KIAA1549: variants seen among roughly 807,000 people sequenced by gnomAD.
KIAA1549 encodes UPF0606 protein KIAA1549.
KIAA1549 carries 70 observed loss-of-function variants against 156.4 expected under a neutral mutation model. The ratio of observed to expected loss-of-function variants is 0.45; its 90% confidence interval spans 0.37 to 0.55. The LOEUF (loss-of-function observed/expected upper bound fraction) is 0.55. Ranked by LOEUF, KIAA1549 falls within the 20% of genes least tolerant of loss-of-function variation. The probability of loss-of-function intolerance (pLI) is 0.00; values close to 1 mark genes in which losing one functional copy is unlikely to be tolerated. For synonymous variants in KIAA1549, 1,103 were observed against 1,066.4 expected (o/e 1.03, Z -0.67); for missense variants, 2,428 against 2,540.9 (o/e 0.96, Z 0.96).
intron 18 of KIAA1549, among the ~76,000 whole-genome samples, chr7:138,843,262 A>T (rs1199975120): frequency 6.6e-6 from 1 of 152,216 alleles, no homozygotes; most frequent in Non-Finnish European, 1.5e-5. Flanking sequence ...TTATAAAAAT[A>T]ATTTCATGAT....
Position 138,918,089 on chromosome 7 carries a change from T to A in KIAA1549, c.1537A>T (p.Met513Leu). The A allele has an allele frequency of 1.1e-5, 17 of 1,613,838 alleles. No individual in the cohort carries two copies. The highest frequency in any genetic ancestry group is 1.4e-5 in the Non-Finnish European group (16 of 1,179,856). ...TSVGISAEVD[M>L]SSVTTTQVPP... ...ACCTGTGTGGTTGTAACACTACTCA[T>A]ATCCACCTCGGCAGAAATGCCAACA... The change falls in exon 2 of 20, where the codon ATG becomes TTG. Residue 513 changes from methionine to leucine, a missense_variant. Physicochemically the swap from Met to Leu is conservative, Grantham distance 15. Transcript: ENST00000422774. This position sits in a 1 kb window ranked among gnomAD's most constrained non-coding sequence, Gnocchi z 4.2.
At chr7:138,909,588 ACT>A (rs1354839066) in intron 4 of KIAA1549, among the ~76,000 whole-genome samples, 2 of 152,156 alleles carry the variant, frequency 1.3e-5, no homozygotes, top group Non-Finnish European at 2.9e-5. Context: ...TAGACTTAGT[ACT>A]CTCTCTACTT....
chr7:138,942,310 A>G (rs2130525160), intron 1 of KIAA1549, among the ~76,000 whole-genome samples: 1 of 152,168 alleles, frequency 6.6e-6, no homozygotes, highest in South Asian at 2.1e-4. Flanking sequence ...CCACTTCCCA[A>G]TTTGAAAACT....
chr7:138,869,443 C>T, intron 14 of KIAA1549, 95 bp downstream of exon 14: 2 of 946,364 alleles, frequency 2.1e-6, no homozygotes, highest in Non-Finnish European at 3.2e-6. Context: ...CTGTCACAGG[C>T]CCTGCAGTAG....
intron 10 of KIAA1549, among the ~76,000 whole-genome samples, chr7:138,881,800 A>G (rs1335365874): frequency 6.6e-6 from 1 of 152,238 alleles, no homozygotes; most frequent in Non-Finnish European, 1.5e-5. Context: ...CACGGATTAA[A>G]TAGCTAGACC....
chr7:138,836,861 T>C lies in KIAA1549; in HGVS notation c.*1045A>G. On this transcript the variant is annotated 3_prime_UTR_variant, in exon 20 of 20. Coordinates refer to ENST00000422774, the MANE Select transcript of KIAA1549 (RefSeq NM_001164665.2). ...ATTTCCAGGCTCTGAACACAGGGAATGTGACTGGTAGGGATGTATGTATAA... is the reference window on the plus strand; with the variant it reads ...ATTTCCAGGCTCTGAACACAGGGAACGTGACTGGTAGGGATGTATGTATAA... The C allele has an allele frequency of 4.4e-6, 1 of 226,036 alleles. No individual in the cohort carries two copies. The highest frequency in any genetic ancestry group is 8.8e-6 in the Non-Finnish European group (1 of 113,610). The allele number at this position is 226,036 out of a possible 1,614,324, so 14.0% of individuals were successfully genotyped here.
In KIAA1549 at chr7:138,919,447, A is replaced by G. The variant is rs772492853; in HGVS notation, c.188-9T>C. 9 of 1,610,274 alleles carry G rather than the reference A, an allele frequency of 5.6e-6. No individual in the cohort carries two copies. The South Asian group carries it at 8.8e-5, about 16-fold the overall frequency. On this transcript the variant is annotated splice_polypyrimidine_tract_variant and intron_variant, in intron 1 of 19. Transcript: ENST00000422774. ...TTCCGGAGAGAGCTCATCTATCAAGAAAATCAGAGCTGGGTTAGTGCAATG... is the reference window on the plus strand; with the variant it reads ...TTCCGGAGAGAGCTCATCTATCAAGGAAATCAGAGCTGGGTTAGTGCAATG...
chr7:138,943,806 A>G (rs573808342), intron 1 of KIAA1549, among the ~76,000 whole-genome samples: 24 of 152,054 alleles, frequency 1.6e-4, no homozygotes, highest in African/African-American at 4.1e-4. Flanking sequence ...CTGAGATCGC[A>G]CCACTGCACT....
intron 1 of KIAA1549, among the ~76,000 whole-genome samples, chr7:138,922,015 G>T (rs1172757745): frequency 3.3e-5 from 5 of 152,200 alleles, no homozygotes; most frequent in Admixed American, 1.3e-4. Flanking sequence ...GCAGCTAGGG[G>T]ACAGCCCTGA....
chr7:138,891,982 G>C (rs138264053), intron 10 of KIAA1549, among the ~76,000 whole-genome samples: 2,080 of 152,308 alleles, frequency 0.014, 30 homozygotes, highest in Non-Finnish European at 0.019. Flanking sequence ...GGGTTCCTGT[G>C]CCAGCAAAAC....
intron 1 of KIAA1549, among the ~76,000 whole-genome samples, chr7:138,980,701 A>G (rs1428774048): frequency 2.0e-5 from 3 of 152,204 alleles, no homozygotes; most frequent in South Asian, 2.1e-4. Context: ...CCCCGACAAT[A>G]AAGTATCTCA....
intron 1 of KIAA1549, among the ~76,000 whole-genome samples, chr7:138,930,484 T>C (rs1433022938): frequency 1.3e-5 from 2 of 152,222 alleles, no homozygotes; most frequent in South Asian, 4.1e-4. Flanking sequence ...AATCTGTTGT[T>C]TAGTCTAACT....
At chr7:138,959,867 G>C (rs891069891) in intron 1 of KIAA1549, among the ~76,000 whole-genome samples, 11 of 152,172 alleles carry the variant, frequency 7.2e-5, no homozygotes, top group African/African-American at 2.7e-4. Flanking sequence ...GTGCTCTCAA[G>C]GACTAACAAT....
At chr7:138,903,862 CGCGCGCGCACATATGTAT>C in intron 7 of KIAA1549, 126 bp from the exon 8 acceptor site, 1 of 645,194 alleles carries the variant, frequency 1.5e-6, no homozygotes, top group Non-Finnish European at 2.4e-6. Flanking sequence ...TGCGCGCGCG[CGCGCGCGCACATATGTAT>C]TTGAAATTAA....
chr7:138,870,223 GC>G (rs1398447439), intron 13 of KIAA1549, among the ~76,000 whole-genome samples: 1 of 151,910 alleles, frequency 6.6e-6, no homozygotes, highest in Non-Finnish European at 1.5e-5. Flanking sequence ...CTGTCTGTAA[GC>G]TCCACGGAGT....
At chr7:138,853,559 T>C (rs1173624497) in intron 16 of KIAA1549, among the ~76,000 whole-genome samples, 1 of 152,160 alleles carries the variant, frequency 6.6e-6, no homozygotes, top group African/African-American at 2.4e-5. Flanking sequence ...TATTCCTTTA[T>C]GCCAAGAGAA....
At chr7:138,951,104 T>C (rs1438009310) in intron 1 of KIAA1549, among the ~76,000 whole-genome samples, 1 of 152,136 alleles carries the variant, frequency 6.6e-6, no homozygotes, top group Non-Finnish European at 1.5e-5. Context: ...CTTACTCCCT[T>C]GCACAGGCTG....
At chr7:138,932,780 C>T (rs1452742941) in intron 1 of KIAA1549, among the ~76,000 whole-genome samples, 1 of 152,100 alleles carries the variant, frequency 6.6e-6, no homozygotes, top group Non-Finnish European at 1.5e-5. Context: ...CACTCAAGAC[C>T]CTACGGAGTC....
chr7:138,842,985 C>A (rs1446624115), intron 18 of KIAA1549, among the ~76,000 whole-genome samples: 1 of 152,110 alleles, frequency 6.6e-6, no homozygotes, highest in Non-Finnish European at 1.5e-5. Context: ...GCCTGGATTT[C>A]CAGAACTGGA....
Sources: allele counts gnomAD v4.1 joint callset (sites outside exome capture counted in the v4.1 genomes callset), GRCh38; gene constraint gnomAD v4.1.1; non-coding constraint Gnocchi (gnomAD v3.1); transcripts MANE v1.5; gene names NCBI Gene and HGNC (gene_info 2026-07-23, HGNC 2026-07-21).